Variants in MAPK4 observed in about 807,000 individuals in gnomAD.
MAPK4 encodes mitogen-activated protein kinase 4.
In MAPK4, 22 loss-of-function variants were observed where a neutral mutation model predicts 47.7. That is an observed-to-expected ratio of 0.46 (90% CI 0.33 to 0.66). The LOEUF (loss-of-function observed/expected upper bound fraction) is 0.66. MAPK4 is among the 30% of genes least tolerant of loss of function. The probability of loss-of-function intolerance (pLI) is 0.02; values close to 1 mark genes in which losing one functional copy is unlikely to be tolerated. For missense variants in MAPK4, 736 were observed against 831.7 expected (o/e 0.88, Z 1.42); for synonymous variants, 390 against 365.7 (o/e 1.07, Z -0.76).
chr18:50,703,040 G>T (rs1909872978), intron 2 of MAPK4, among the ~76,000 whole-genome samples: 1 of 152,220 alleles, frequency 6.6e-6, no homozygotes, highest in African/African-American at 2.4e-5. Context: ...CCTGTGAATA[G>T]TGTGATCCAA....
At chr18:50,671,671 T>C (rs1317071481) in intron 2 of MAPK4, among the ~76,000 whole-genome samples, 1 of 152,072 alleles carries the variant, frequency 6.6e-6, no homozygotes, top group Non-Finnish European at 1.5e-5. Context: ...GGAAGACTGC[T>C]TAAGGCAAGG....
In MAPK4 at chr18:50,568,986, A is replaced by G. The variant is rs139348336; in HGVS notation, c.-871+8743A>G. Among the ~76,000 whole-genome samples, 574 of 152,324 alleles carry G rather than the reference A, an allele frequency of 3.8e-3. 5 individuals carry two copies. Among genetic ancestry groups the G allele is most frequent in the African/African-American group, 0.013 (552 of 41,572 alleles). ...ATGTTGAGCTTTTAGCTGCATGAGC[A>G]TAGTAAGCATAATTGTTTTACATTC... On this transcript the variant is annotated intron_variant, in intron 1 of 5. Coordinates refer to ENST00000400384, the MANE Select transcript of MAPK4 (RefSeq NM_002747.4).
intron 2 of MAPK4, among the ~76,000 whole-genome samples, chr18:50,692,977 T>C (rs1018441977): frequency 2.0e-5 from 3 of 152,100 alleles, no homozygotes; most frequent in African/African-American, 7.2e-5. Flanking sequence ...TAGTGCAGGC[T>C]AGGCACGGTG....
intron 1 of MAPK4, among the ~76,000 whole-genome samples, chr18:50,591,426 G>A (rs1266954960): frequency 6.6e-6 from 1 of 151,654 alleles, no homozygotes; most frequent in Non-Finnish European, 1.5e-5. Flanking sequence ...TATCTATGTT[G>A]ACTTAAGACT....
At chr18:50,604,934 A>T (rs2042569959) in intron 1 of MAPK4, among the ~76,000 whole-genome samples, 2 of 152,240 alleles carry the variant, frequency 1.3e-5, no homozygotes, top group Non-Finnish European at 2.9e-5. Context: ...GTAACAAATG[A>T]TAGTGCAAGA....
chr18:50,720,370 T>G (rs368355859), intron 3 of MAPK4, among the ~76,000 whole-genome samples: 8 of 152,080 alleles, frequency 5.3e-5, no homozygotes, highest in East Asian at 3.9e-4. Flanking sequence ...CTTATAATAC[T>G]CATTCCAAGT....
At chr18:50,575,717 T>G (rs2042288454) in intron 1 of MAPK4, among the ~76,000 whole-genome samples, 2 of 150,074 alleles carry the variant, frequency 1.3e-5, no homozygotes, top group African/African-American at 4.9e-5. Context: ...GGAGAAAATA[T>G]TTGTAAACTA....
chr18:50,691,129 A>C (rs1372740777), intron 2 of MAPK4, among the ~76,000 whole-genome samples: 1 of 152,022 alleles, frequency 6.6e-6, no homozygotes, highest in Non-Finnish European at 1.5e-5. Flanking sequence ...TGTAGCTTGG[A>C]CTACAGGTGT....
At position 50,663,487 on chromosome 18, in the gene MAPK4, G is replaced by A. The variant is rs1907397897; in HGVS notation, c.-472G>A. 1 of 154,582 alleles carries A rather than the reference G, an allele frequency of 6.5e-6. No individual in the cohort carries two copies. Among genetic ancestry groups the A allele is most frequent in the Non-Finnish European group, 1.4e-5 (1 of 69,698 alleles). 9.6% of individuals were successfully genotyped at this position (154,582 alleles called of 1,614,324 possible). A position where few individuals can be genotyped will look rare whatever the true frequency, so the allele number is the denominator to read the frequency against. ...ACAGCTGAGCTTTGGAGCATCTTAA[G>A]GAGCTCAGCTCAGCAAACAACTCTT... is the stretch of plus-strand genomic sequence containing the variant. On this transcript the variant is annotated 5_prime_UTR_variant, in exon 2 of 6. Coordinates refer to ENST00000400384, the MANE Select transcript of MAPK4 (RefSeq NM_002747.4).
chr18:50,683,453 G>GGTGT (rs3045776), intron 2 of MAPK4, among the ~76,000 whole-genome samples: 10,606 of 142,174 alleles, frequency 0.075, 470 homozygotes, highest in African/African-American at 0.13. Flanking sequence ...TTGGTGATGG[G>GGTGT]GTGTGTGTGT....
At chr18:50,623,922 G>A (rs1412486714) in intron 1 of MAPK4, among the ~76,000 whole-genome samples, 2 of 152,230 alleles carry the variant, frequency 1.3e-5, no homozygotes, top group African/African-American at 2.4e-5. Flanking sequence ...TGCACTTGCT[G>A]TGTGCACTGC....
intron 1 of MAPK4, among the ~76,000 whole-genome samples, chr18:50,638,491 G>A (rs1241122282): frequency 1.3e-5 from 2 of 152,112 alleles, no homozygotes; most frequent in African/African-American, 2.4e-5. Context: ...GCCAAGAGCC[G>A]CTGCACCCTG....
chr18:50,582,048 T>C (rs1213602522), intron 1 of MAPK4, among the ~76,000 whole-genome samples: 1 of 152,146 alleles, frequency 6.6e-6, no homozygotes, highest in Non-Finnish European at 1.5e-5. Context: ...AGATTTCTCA[T>C]ATGTAAAGTG....
intron 2 of MAPK4, among the ~76,000 whole-genome samples, chr18:50,693,825 C>T (rs545002139): frequency 3.3e-5 from 4 of 120,754 alleles, no homozygotes; most frequent in African/African-American, 1.0e-4. Flanking sequence ...CTTGCCTGGG[C>T]TTATGAAACG....
chr18:50,706,234 G>C (rs1410563998), intron 2 of MAPK4: 3 of 152,098 alleles, frequency 2.0e-5, no homozygotes, highest in Admixed American at 6.5e-5. Flanking sequence ...CCTGAGGGGA[G>C]GTAGAAATAG....
At chr18:50,662,425 A>G (rs567298600) in intron 1 of MAPK4, among the ~76,000 whole-genome samples, 1 of 152,336 alleles carries the variant, frequency 6.6e-6, no homozygotes, top group Admixed American at 6.5e-5. Context: ...ATTGTCAAAA[A>G]GAATACAGCT....
intron 1 of MAPK4, among the ~76,000 whole-genome samples, chr18:50,650,436 G>A (rs764406505): frequency 2.6e-5 from 4 of 151,952 alleles, no homozygotes; most frequent in Non-Finnish European, 5.9e-5. Flanking sequence ...GATCCTGAGT[G>A]TTTTGTTTCC....
chr18:50,569,791 C>A (rs2042234036), intron 1 of MAPK4, among the ~76,000 whole-genome samples: 1 of 152,246 alleles, frequency 6.6e-6, no homozygotes, highest in African/African-American at 2.4e-5. Context: ...GTTTACCAGG[C>A]CTCAGGGAGG....
At chr18:50,594,069 C>T (rs2042461198) in intron 1 of MAPK4, among the ~76,000 whole-genome samples, 1 of 152,190 alleles carries the variant, frequency 6.6e-6, no homozygotes, top group African/African-American at 2.4e-5. Context: ...AGTCCAAAGG[C>T]TGAAGAGCCT....
Sources: allele counts gnomAD v4.1 joint callset (sites outside exome capture counted in the v4.1 genomes callset), GRCh38; gene constraint gnomAD v4.1.1; transcripts MANE v1.5; gene names NCBI Gene and HGNC (gene_info 2026-07-23, HGNC 2026-07-21).